The following ITPR1 variants were observed in gnomAD, a reference collection of about 807,000 sequenced individuals.
The protein encoded by ITPR1 is inositol 1,4,5-trisphosphate-gated calcium channel ITPR1.
In ITPR1, 96 loss-of-function variants were observed where a neutral mutation model predicts 318.4. The ratio of observed to expected loss-of-function variants is 0.30; its 90% confidence interval spans 0.26 to 0.36. The LOEUF is 0.36. ITPR1 is among the 10% of genes least tolerant of loss of function. The pLI, the probability that ITPR1 is intolerant of heterozygous loss-of-function variation, is 1.00. For missense variants in ITPR1, 2,440 were observed against 3,460.2 expected (o/e 0.71, Z 7.40); for synonymous variants, 1,312 against 1,289.9 (o/e 1.02, Z -0.37).
chr3:4,683,732 C>G lies in ITPR1; in HGVS notation c.3432C>G (p.Tyr1144Ter). 1.2e-6 allele frequency: 2 copies of G among 1,613,944 alleles called. No homozygotes were observed. The highest frequency in any genetic ancestry group is 1.7e-6 in the Non-Finnish European group (2 of 1,179,880). Reference protein sequence around the residue: ...SIVEKSELWVYKGQGPDETMD... With the variant: ...SIVEKSELWV ...TGGAAAAGTCAGAGCTTTGGGTGTACAAAGGGCAGGGCCCCGATGAGACTA... is the reference window on the plus strand; with the variant it reads ...TGGAAAAGTCAGAGCTTTGGGTGTAGAAAGGGCAGGGCCCCGATGAGACTA... Residue 1144 changes from tyrosine to a stop codon, truncating the protein, a stop_gained, in exon 28 of 62, where the codon TAC (tyrosine) becomes TAG (stop). Coordinates refer to ENST00000649015, the MANE Select transcript of ITPR1 (RefSeq NM_001378452.1). LOFTEE classifies it high-confidence loss of function.
At position 4,788,994 on chromosome 3, in the gene ITPR1, G is replaced by T. The variant is rs192276220; in HGVS notation, c.6808+855G>T. ...CTCCGTGATGCTGCCAATCTGAGCA[G>T]GCACGGACCAGTGCTGTCTGTTTTT... On this transcript the variant is annotated intron_variant, in intron 52 of 61. Transcript: ENST00000649015. Among the ~76,000 whole-genome samples, 438 of 152,290 alleles carry T rather than the reference G, an allele frequency of 2.9e-3. 4 individuals carry two copies. Among genetic ancestry groups the T allele is most frequent in the African/African-American group, 0.01 (417 of 41,562 alleles).
chr3:4,680,968 A>G (rs967286036), intron 25 of ITPR1, among the ~76,000 whole-genome samples: 3 of 152,106 alleles, frequency 2.0e-5, no homozygotes, highest in Non-Finnish European at 4.4e-5. Flanking sequence ...CCCCGCAAAA[A>G]TACCAAAATA....
At chr3:4,621,374 G>C (rs987739431) in intron 4 of ITPR1, among the ~76,000 whole-genome samples, 1 of 152,012 alleles carries the variant, frequency 6.6e-6, no homozygotes, top group Non-Finnish European at 1.5e-5. Flanking sequence ...TAGATCTTGC[G>C]AGCACTCACT....
chr3:4,656,660 C>T (rs1209100307), intron 12 of ITPR1, among the ~76,000 whole-genome samples: 1 of 152,214 alleles, frequency 6.6e-6, no homozygotes, highest in South Asian at 2.1e-4. Flanking sequence ...TTTCAGGCCC[C>T]GTAAGAGTTA....
chr3:4,718,461 C>T (rs1379109816), intron 40 of ITPR1, among the ~76,000 whole-genome samples: 2 of 152,186 alleles, frequency 1.3e-5, no homozygotes, highest in African/African-American at 2.4e-5. Flanking sequence ...GTTCAGATAT[C>T]CCTAAGGAGG....
intron 3 of ITPR1, among the ~76,000 whole-genome samples, chr3:4,518,397 C>G (rs1022326802): frequency 6.6e-6 from 1 of 152,118 alleles, no homozygotes; most frequent in Non-Finnish European, 1.5e-5. Flanking sequence ...TCCCTCCTGC[C>G]CTTTTAAAGT....
chr3:4,596,854 T>C (rs2090868643), intron 4 of ITPR1, among the ~76,000 whole-genome samples: 1 of 152,238 alleles, frequency 6.6e-6, no homozygotes, highest in Admixed American at 6.5e-5. Flanking sequence ...GTAATTCACA[T>C]GGAAACAAGT....
At chr3:4,736,806 A>G (rs2043306517) in intron 44 of ITPR1, among the ~76,000 whole-genome samples, 1 of 152,106 alleles carries the variant, frequency 6.6e-6, no homozygotes, top group South Asian at 2.1e-4. Flanking sequence ...GAACCACATG[A>G]TTTCCTGTGA....
intron 17 of ITPR1, among the ~76,000 whole-genome samples, 186 bp from the exon 18 acceptor site, chr3:4,667,191 A>C (rs1013139977): frequency 6.6e-6 from 1 of 152,196 alleles, no homozygotes; most frequent in African/African-American, 2.4e-5. Context: ...TAGAAAAGTA[A>C]AGGATGTGAA....
intron 25 of ITPR1, among the ~76,000 whole-genome samples, chr3:4,681,123 A>G (rs1559681881): frequency 1.3e-5 from 2 of 152,162 alleles, no homozygotes; most frequent in African/African-American, 4.8e-5. Flanking sequence ...CCAAGCTTCC[A>G]TGAGTGAGAT....
intron 44 of ITPR1, among the ~76,000 whole-genome samples, chr3:4,753,092 G>A (rs1246946156): frequency 1.3e-5 from 2 of 152,222 alleles, no homozygotes; most frequent in Non-Finnish European, 2.9e-5. Flanking sequence ...GTGAAGAGTA[G>A]CAGAGGGCAA....
chr3:4,669,771 C>T lies in ITPR1; in HGVS notation c.2004C>T (p.Thr668=). ...NPTNADILIE[T]KLVLSRFEFE... is the part of the protein sequence containing the mutation. ...CCAACGCTGACATCCTGATTGAGAC[C>T]AAGTGAGTGGGGAGCCAGGGTTTAG... The change falls in exon 19 of 62, where the codon ACC becomes ACT. Residue 668 remains threonine (T), a splice_region_variant and synonymous_variant. Transcript: ENST00000649015. The T allele has an allele frequency of 1.2e-6, 2 of 1,608,174 alleles. No individual in the cohort carries two copies.
chr3:4,626,228 C>T lies in ITPR1; in HGVS notation c.164-1535C>T, dbSNP rs77899952. On this transcript the variant is annotated intron_variant, in intron 4 of 61. Coordinates refer to ENST00000649015, the MANE Select transcript of ITPR1 (RefSeq NM_001378452.1). ...TGTGTGTATTTTTAAAAGTTACAAA[C>T]GTGTATTATTGTAGTAACACATTGT... Among the ~76,000 whole-genome samples the T allele has an allele frequency of 1.5e-3, 232 of 151,604 alleles. 6 individuals are homozygous for T. In the East Asian group the frequency reaches 0.033, roughly 21 times the overall value.
intron 4 of ITPR1, among the ~76,000 whole-genome samples, chr3:4,567,733 C>G (rs1380059628): frequency 6.6e-6 from 1 of 152,110 alleles, no homozygotes; most frequent in Non-Finnish European, 1.5e-5. Context: ...TCACGAGTAG[C>G]TGGGACTACA....
chr3:4,818,500 G>A (rs189208306), intron 60 of ITPR1, among the ~76,000 whole-genome samples: 141 of 152,044 alleles, frequency 9.3e-4, no homozygotes, highest in Middle Eastern at 3.4e-3. Context: ...ACGTGACCAC[G>A]GAACTGGGGC....
At chr3:4,532,788 C>A (rs2083526768) in intron 4 of ITPR1, among the ~76,000 whole-genome samples, 1 of 152,200 alleles carries the variant, frequency 6.6e-6, no homozygotes, top group Non-Finnish European at 1.5e-5. Flanking sequence ...GAGCCCAGAG[C>A]AATAGAGAAT....
intron 47 of ITPR1, among the ~76,000 whole-genome samples, chr3:4,776,190 C>G (rs112288221): frequency 2.4e-4 from 37 of 152,300 alleles, no homozygotes; most frequent in African/African-American, 8.4e-4. Context: ...CTGCCTCAGC[C>G]TCCCTAGTAG....
rs2125376319 is a variant in ITPR1 at position 4,768,555 on chromosome 3, C to T, written c.5770C>T (p.Leu1924Phe). 2 of 1,613,962 alleles carry T rather than the reference C, an allele frequency of 1.2e-6. No individual in the cohort carries two copies. The highest frequency in any genetic ancestry group is 1.7e-6 in the Non-Finnish European group (2 of 1,179,834). ...GATAACAGAAGAGGTCCGGGATCAG[C>T]TCCTGGAGGCCTCCGCTGCCACCAG... ...TQITEEVRDQ[L>F]LEASAATRKA... is the part of the protein sequence containing the mutation. Residue 1924 changes from leucine (L) to phenylalanine (F), a missense_variant, in exon 46 of 62, where the codon CTC becomes TTC. By Grantham distance (22) the Leu-to-Phe change is conservative (BLOSUM62 0). This residue lies in a region of ITPR1 where 113 missense variants were observed against 103.6 expected (regional missense o/e 1.09). Transcript: ENST00000649015.
chr3:4,681,312 A>C, intron 25 of ITPR1, 52 bp from the exon 26 acceptor site: 1 of 1,262,992 alleles, frequency 7.9e-7, no homozygotes, highest in Non-Finnish European at 1.2e-6. Flanking sequence ...GTTCACCAGC[A>C]GCATGTTTGC....
Sources: allele counts gnomAD v4.1 joint callset (sites outside exome capture counted in the v4.1 genomes callset), GRCh38; gene constraint gnomAD v4.1.1; regional missense constraint gnomAD v4.1.1; transcripts MANE v1.5; gene names NCBI Gene and HGNC (gene_info 2026-07-23, HGNC 2026-07-21).